The following WWOX variants were observed in gnomAD, a reference collection of about 807,000 sequenced individuals.
WWOX encodes the protein WW domain containing oxidoreductase.
WWOX carries 69 observed loss-of-function variants against 46.2 expected under a neutral mutation model. That is an observed-to-expected ratio of 1.49 (90% CI 1.23 to 1.82). The LOEUF is 1.82. Among genes scored for constraint, WWOX ranks in the 40% most tolerant of loss-of-function variants. WWOX has a pLI of 0.00. For synonymous variants in WWOX, 359 were observed against 202.6 expected, an observed-to-expected ratio of 1.77 and a Z score of -6.56; for missense variants, 919 against 542.6, an observed-to-expected ratio of 1.69 and a Z score of -6.89.
chr16:79,031,888 GTATACAGATATC>G (rs2047765695), intron 8 of WWOX, among the ~76,000 whole-genome samples: 1 of 67,132 alleles, frequency 1.5e-5, no homozygotes, highest in Non-Finnish European at 3.7e-5. Context: ...ACAGATATCT[GTATACAGATATC>G]TATATATATA....
intron 8 of WWOX, among the ~76,000 whole-genome samples, chr16:78,557,020 C>G (rs936603456): frequency 6.6e-5 from 10 of 151,928 alleles, no homozygotes; most frequent in Non-Finnish European, 1.0e-4. Flanking sequence ...GCCCAGCCGG[C>G]AAACTTACTT....
chr16:78,970,993 G>C (rs2046457792), intron 8 of WWOX, among the ~76,000 whole-genome samples: 1 of 152,116 alleles, frequency 6.6e-6, no homozygotes, highest in Admixed American at 6.6e-5. Flanking sequence ...AGAAAATCCA[G>C]ATTCCCATTC....
chr16:78,437,837 G>A (rs1027155277), intron 8 of WWOX, among the ~76,000 whole-genome samples: 1 of 152,104 alleles, frequency 6.6e-6, no homozygotes, highest in Non-Finnish European at 1.5e-5. Flanking sequence ...TTATTTTCTT[G>A]ACTCTAGAGC....
chr16:78,469,888 G>C (rs989406416), intron 8 of WWOX, among the ~76,000 whole-genome samples: 1 of 152,192 alleles, frequency 6.6e-6, no homozygotes, highest in African/African-American at 2.4e-5. Context: ...TGTAACCTGG[G>C]ATTAGATAGA....
intron 8 of WWOX, among the ~76,000 whole-genome samples, chr16:78,804,367 G>A (rs1234467542): frequency 1.3e-5 from 2 of 148,692 alleles, no homozygotes; most frequent in Admixed American, 6.7e-5. Flanking sequence ...GCTCGGCAGC[G>A]AACAAAATTA....
At chr16:78,433,313 C>G (rs190774481) in intron 8 of WWOX, among the ~76,000 whole-genome samples, 2 of 152,104 alleles carry the variant, frequency 1.3e-5, no homozygotes, top group Admixed American at 6.5e-5. Flanking sequence ...AATCATGGTA[C>G]TGTGGTTACA....
At chr16:78,251,913 A>G (rs892962969) in intron 5 of WWOX, among the ~76,000 whole-genome samples, 19 of 152,214 alleles carry the variant, frequency 1.2e-4, no homozygotes, top group African/African-American at 4.3e-4. Context: ...CTCCATTAGC[A>G]TGGTTAATTA....
At chr16:78,336,670 G>A (rs2080896511) in intron 5 of WWOX, among the ~76,000 whole-genome samples, 1 of 152,050 alleles carries the variant, frequency 6.6e-6, no homozygotes, top group African/African-American at 2.4e-5. Flanking sequence ...CTGTTGCCAT[G>A]GGGGAACATA....
intron 5 of WWOX, among the ~76,000 whole-genome samples, chr16:78,352,030 A>G (rs2081195636): frequency 6.6e-6 from 1 of 152,178 alleles, no homozygotes; most frequent in African/African-American, 2.4e-5. Flanking sequence ...TTGATGATCC[A>G]GAGCTTTGGA....
At chr16:78,794,543 A>G (rs2050689109) in intron 8 of WWOX, among the ~76,000 whole-genome samples, 2 of 152,202 alleles carry the variant, frequency 1.3e-5, no homozygotes, top group African/African-American at 4.8e-5. Context: ...AAATGGGTGA[A>G]TAATATCTAA....
intron 5 of WWOX, among the ~76,000 whole-genome samples, chr16:78,223,758 A>C (rs1230360357): frequency 1.3e-5 from 2 of 152,040 alleles, no homozygotes; most frequent in Non-Finnish European, 2.9e-5. Flanking sequence ...ACCTTTGTCA[A>C]ATGGAGCTGA....
intron 8 of WWOX, among the ~76,000 whole-genome samples, chr16:78,883,362 G>A (rs958990030): frequency 6.6e-6 from 1 of 152,158 alleles, no homozygotes; most frequent in Non-Finnish European, 1.5e-5. Context: ...AAAAAGGACT[G>A]TAGTGGGAAA....
chr16:78,337,703 A>G (rs2151897486), intron 5 of WWOX, among the ~76,000 whole-genome samples: 1 of 151,320 alleles, frequency 6.6e-6, no homozygotes, highest in East Asian at 2.0e-4. Context: ...CCTTCTGAGA[A>G]TTTAGGCGCT....
Position 78,660,347 on chromosome 16 carries a change from A to T in WWOX, c.1056+227595A>T, listed in dbSNP as rs1202299178. Among the ~76,000 whole-genome samples the T allele has an allele frequency of 8.5e-5, 13 of 152,136 alleles. 1 individual carries two copies. In the South Asian group the frequency reaches 2.1e-3, roughly 24 times the overall value. On this transcript the variant is annotated intron_variant, in intron 8 of 8. Transcript: ENST00000566780. The stretch of plus-strand genomic sequence containing the variant: ...AGACAGTGGTTCATTTTATTTGAGG[A>T]GGTATGTTGTGGGCTTGGGGAAACA...
intron 8 of WWOX, among the ~76,000 whole-genome samples, chr16:78,802,917 A>C (rs1414928518): frequency 3.7e-5 from 3 of 80,384 alleles, no homozygotes; most frequent in African/African-American, 1.5e-4. Context: ...CTTCATCTGA[A>C]AAAAAAAAAA....
intron 8 of WWOX, among the ~76,000 whole-genome samples, chr16:78,807,945 A>T (rs189103709): frequency 2.2e-4 from 34 of 152,356 alleles, no homozygotes; most frequent in African/African-American, 7.9e-4. Context: ...TTTTCATTTC[A>T]TCGGACAGTT....
intron 8 of WWOX, among the ~76,000 whole-genome samples, chr16:79,019,985 C>G (rs1441148501): frequency 2.6e-5 from 4 of 152,204 alleles, no homozygotes; most frequent in Non-Finnish European, 5.9e-5. Context: ...CACTTCTCTA[C>G]TAATCCCCAC....
At chr16:78,533,606 C>A (rs2667623) in intron 8 of WWOX, among the ~76,000 whole-genome samples, 1 of 151,990 alleles carries the variant, frequency 6.6e-6, no homozygotes, top group Non-Finnish European at 1.5e-5. Context: ...CAAGGTACAA[C>A]TAGAAAATCC....
intron 8 of WWOX, among the ~76,000 whole-genome samples, chr16:78,588,727 T>C (rs1212813916): frequency 6.6e-6 from 1 of 152,198 alleles, no homozygotes; most frequent in African/African-American, 2.4e-5. Context: ...ATGTCACTTA[T>C]TGACGTAGCA....
Sources: gnomAD v4.1 joint callset for allele counts (sites outside exome capture counted in the v4.1 genomes callset) on GRCh38, gnomAD v4.1.1 for gene constraint, MANE v1.5 for transcripts, NCBI Gene and HGNC (gene_info 2026-07-23, HGNC 2026-07-21) for gene names.